The following CACNA1C variants were observed in gnomAD, a reference collection of about 807,000 sequenced individuals.
The protein encoded by CACNA1C is calcium voltage-gated channel subunit alpha1 C.
A neutral mutation model predicts 229.0 loss-of-function variants in CACNA1C; 30 were observed. That is an observed-to-expected ratio of 0.13 (90% CI 0.10 to 0.18). The LOEUF is 0.18. Ranked by LOEUF, CACNA1C falls within the 10% of genes least tolerant of loss-of-function variation. The pLI is 1.00. For synonymous variants in CACNA1C, 1,114 were observed against 1,132.5 expected (o/e 0.98, Z 0.33); for missense variants, 1,658 against 2,845.0 (o/e 0.58, Z 9.49).
In CACNA1C at chr12:2,378,008, T is replaced by C. The variant is rs181664985; in HGVS notation, c.478-70968T>C. Among the ~76,000 whole-genome samples, 84 of 152,234 alleles carry C rather than the reference T, an allele frequency of 5.5e-4. 1 individual carries two copies. The highest frequency in any genetic ancestry group is 2.9e-4 in the Non-Finnish European group (20 of 68,012). On this transcript the variant is annotated intron_variant, in intron 3 of 46. Coordinates refer to ENST00000399655, the MANE Select transcript of CACNA1C (RefSeq NM_000719.7). Reference sequence around the variant, plus strand: ...GGCAGTAATCTGGTGGTCTTGAGCCTAGAAGAGGGTTGGGGTGAGTGTGAA... The same window carrying C: ...GGCAGTAATCTGGTGGTCTTGAGCCCAGAAGAGGGTTGGGGTGAGTGTGAA...
intron 3 of CACNA1C, among the ~76,000 whole-genome samples, chr12:2,311,634 G>A (rs915163369): frequency 5.3e-5 from 8 of 152,182 alleles, no homozygotes; most frequent in African/African-American, 9.7e-5. Context: ...AACCTCTTCC[G>A]CGATATGTCA....
intron 3 of CACNA1C, among the ~76,000 whole-genome samples, chr12:2,425,058 GC>G (rs2099015997): frequency 6.6e-6 from 1 of 152,274 alleles, no homozygotes; most frequent in Non-Finnish European, 1.5e-5. Context: ...CAGCCCTGGG[GC>G]TAATGCAGGC....
chr12:2,150,646 T>C (rs1252420799), intron 3 of CACNA1C, among the ~76,000 whole-genome samples: 1 of 152,184 alleles, frequency 6.6e-6, no homozygotes, highest in Non-Finnish European at 1.5e-5. Flanking sequence ...AAAGGGGCAT[T>C]TGGCGAAAAA....
At chr12:2,076,706 T>G (rs2063331206) in intron 1 of CACNA1C, among the ~76,000 whole-genome samples, 1 of 152,248 alleles carries the variant, frequency 6.6e-6, no homozygotes, top group South Asian at 2.1e-4. Context: ...TCCCATTTAT[T>G]CTACACTTGT....
chr12:2,643,477 A>C (rs1233993201), intron 30 of CACNA1C, among the ~76,000 whole-genome samples: 1 of 152,034 alleles, frequency 6.6e-6, no homozygotes, highest in Non-Finnish European at 1.5e-5. Context: ...CATGGCCTCT[A>C]CCCTCAGCTT....
chr12:2,525,998 A>G (rs941191301), intron 9 of CACNA1C, among the ~76,000 whole-genome samples: 1 of 152,222 alleles, frequency 6.6e-6, no homozygotes, highest in African/African-American at 2.4e-5. Context: ...TTGGGGAGAT[A>G]GATGGAATTC....
chr12:1,974,844 GCA>G (rs1357797760), intron 1 of CACNA1C, among the ~76,000 whole-genome samples: 2 of 152,028 alleles, frequency 1.3e-5, no homozygotes, highest in African/African-American at 4.8e-5. Context: ...TCCTATAATC[GCA>G]GTTTTTGAGA....
At chr12:2,424,760 G>A (rs942221915) in intron 3 of CACNA1C, among the ~76,000 whole-genome samples, 1 of 152,342 alleles carries the variant, frequency 6.6e-6, no homozygotes, top group African/African-American at 2.4e-5. Flanking sequence ...TGTCCTGTGG[G>A]AGGGTGAGGA....
chr12:2,576,527 G>A (rs1395501097), intron 13 of CACNA1C, among the ~76,000 whole-genome samples: 2 of 152,136 alleles, frequency 1.3e-5, no homozygotes, highest in Admixed American at 6.5e-5. Flanking sequence ...GTGTGTGAGC[G>A]TGTGTATCTC....
chr12:2,061,939 G>A (rs1278774281), intron 1 of CACNA1C, among the ~76,000 whole-genome samples: 2 of 152,220 alleles, frequency 1.3e-5, no homozygotes, highest in African/African-American at 4.8e-5. Context: ...GGACAGTTCT[G>A]TGTAGCTCCC....
intron 3 of CACNA1C, among the ~76,000 whole-genome samples, chr12:2,251,120 C>T (rs148294070): frequency 1.3e-5 from 2 of 152,206 alleles, no homozygotes; most frequent in Non-Finnish European, 2.9e-5. Flanking sequence ...ACTTCTTGAT[C>T]ATTTAGTTTC....
intron 3 of CACNA1C, among the ~76,000 whole-genome samples, chr12:2,144,095 G>A (rs1214654211): frequency 1.3e-5 from 2 of 151,410 alleles, no homozygotes; most frequent in African/African-American, 4.8e-5. Context: ...GGGCACACAG[G>A]AGGACTAATC....
intron 1 of CACNA1C, among the ~76,000 whole-genome samples, chr12:1,997,535 GA>G (rs1324531524): frequency 1.3e-5 from 2 of 152,142 alleles, no homozygotes; most frequent in African/African-American, 4.8e-5. Flanking sequence ...TCAAAAAAAA[GA>G]AAAATGATCA....
At chr12:2,208,491 G>A (rs960469970) in intron 3 of CACNA1C, among the ~76,000 whole-genome samples, 3 of 152,176 alleles carry the variant, frequency 2.0e-5, no homozygotes, top group Non-Finnish European at 4.4e-5. Flanking sequence ...AGTGGATGCC[G>A]CCGGCTGAGG....
Position 2,181,362 on chromosome 12 carries a change from C to G in CACNA1C, c.477+60932C>G, listed in dbSNP as rs1333817767. Reference sequence around the variant, plus strand: ...CTCTAAGATACAAGTGGAGAGACAGCTGGAAGGGGCAGCACCCAGGCCTTC... The same window carrying G: ...CTCTAAGATACAAGTGGAGAGACAGGTGGAAGGGGCAGCACCCAGGCCTTC... On this transcript the variant is annotated intron_variant, in intron 3 of 46. Coordinates refer to ENST00000399655, the MANE Select transcript of CACNA1C (RefSeq NM_000719.7). The surrounding 1 kb of genome is among the most constrained non-coding windows in gnomAD (Gnocchi z 4.0). Among the ~76,000 whole-genome samples the G allele has an allele frequency of 2.0e-5, 3 of 152,120 alleles. No individual in the cohort carries two copies. Among genetic ancestry groups the G allele is most frequent in the African/African-American group, 7.2e-5 (3 of 41,424 alleles).
At chr12:2,089,904 C>T (rs1370754833) in intron 1 of CACNA1C, among the ~76,000 whole-genome samples, 1 of 152,126 alleles carries the variant, frequency 6.6e-6, no homozygotes, top group East Asian at 1.9e-4. Flanking sequence ...TGGCAGGCGC[C>T]TGTAGTCCCA....
At chr12:2,010,193 A>G (rs17801032) in intron 1 of CACNA1C, among the ~76,000 whole-genome samples, 13,299 of 152,284 alleles carry the variant, frequency 0.087, 787 homozygotes, top group Non-Finnish European at 0.13. Flanking sequence ...CATTCCCAAT[A>G]TTTTTATACG....
At chr12:2,583,137 C>T (rs1236028710) in intron 15 of CACNA1C, among the ~76,000 whole-genome samples, 195 bp downstream of exon 15, 1 of 152,208 alleles carries the variant, frequency 6.6e-6, no homozygotes, top group Non-Finnish European at 1.5e-5. Context: ...CCTTCCTGAA[C>T]CCTCCGGGCC....
intron 3 of CACNA1C, among the ~76,000 whole-genome samples, chr12:2,388,880 G>A (rs1005879511): frequency 9.2e-5 from 14 of 152,288 alleles, no homozygotes; most frequent in African/African-American, 1.4e-4. Context: ...TGACATATCC[G>A]AGTGCAGTTG....
Sources: allele counts gnomAD v4.1 joint callset (sites outside exome capture counted in the v4.1 genomes callset), GRCh38; gene constraint gnomAD v4.1.1; non-coding constraint Gnocchi (gnomAD v3.1); transcripts MANE v1.5; gene names NCBI Gene and HGNC (gene_info 2026-07-23, HGNC 2026-07-21).